The following MARCHF8 variants were observed in gnomAD, a reference collection of about 807,000 sequenced individuals.
The protein encoded by MARCHF8 is E3 ubiquitin-protein ligase MARCHF8.
A neutral mutation model predicts 51.6 loss-of-function variants in MARCHF8; 40 were observed. That is an observed-to-expected ratio of 0.77 (90% CI 0.60 to 1.01). The LOEUF is 1.01. MARCHF8 is among the 50% of genes least tolerant of loss of function. The pLI is 0.00. For missense variants in MARCHF8, 685 were observed against 708.6 expected, an observed-to-expected ratio of 0.97 and a Z score of 0.38; for synonymous variants, 263 against 280.3, an observed-to-expected ratio of 0.94 and a Z score of 0.62.
chr10:45,531,731 T>C (rs1393896984), intron 2 of MARCHF8, among the ~76,000 whole-genome samples: 1 of 152,194 alleles, frequency 6.6e-6, no homozygotes, highest in African/African-American at 2.4e-5. Flanking sequence ...GTTAACAGAT[T>C]AGACTAAGCA....
rs1842567549 is a variant in MARCHF8 at position 45,455,338 on chromosome 10, C to G, written c.*2901G>C. The G allele has an allele frequency of 6.6e-6, 1 of 152,268 alleles. No homozygotes were observed. The highest frequency in any genetic ancestry group is 2.4e-5 in the African/African-American group (1 of 41,456). 9.4% of individuals were successfully genotyped at this position (152,268 alleles called of 1,614,324 possible). ...AAACTTGGGCACAAAGACCAAATTG[C>G]TGAGGCCAGAAGCCTGCTTATGGTA... On this transcript the variant is annotated 3_prime_UTR_variant, in exon 8 of 8. Coordinates refer to ENST00000453424, the MANE Select transcript of MARCHF8 (RefSeq NM_001282866.2).
At chr10:45,476,381 T>C (rs939602886) in intron 3 of MARCHF8, among the ~76,000 whole-genome samples, 9 of 152,184 alleles carry the variant, frequency 5.9e-5, no homozygotes, top group Admixed American at 2.6e-4. Context: ...CTGAGCAACA[T>C]AGTGAGACCT....
At chr10:45,566,505 T>C (rs2044366207) in intron 1 of MARCHF8, among the ~76,000 whole-genome samples, 1 of 152,172 alleles carries the variant, frequency 6.6e-6, no homozygotes, top group South Asian at 2.1e-4. Context: ...ATCCCACAAA[T>C]AAGTGAGAAC....
intron 1 of MARCHF8, among the ~76,000 whole-genome samples, chr10:45,542,751 A>T (rs2044070332): frequency 6.6e-6 from 1 of 152,210 alleles, no homozygotes; most frequent in Non-Finnish European, 1.5e-5. Flanking sequence ...GAAGAATTCA[A>T]TGGAGAGAAA....
At chr10:45,551,147 T>TA (rs2044189711) in intron 1 of MARCHF8, among the ~76,000 whole-genome samples, 1 of 152,208 alleles carries the variant, frequency 6.6e-6, no homozygotes, top group African/African-American at 2.4e-5. Context: ...CTCTCCTAGA[T>TA]ATACAATGAG....
At chr10:45,471,523 C>G (rs1308534142) in intron 3 of MARCHF8, among the ~76,000 whole-genome samples, 8 of 152,220 alleles carry the variant, frequency 5.3e-5, no homozygotes, top group Non-Finnish European at 8.8e-5. Context: ...AGTTACTTAT[C>G]ACTCACAAGG....
intron 1 of MARCHF8, among the ~76,000 whole-genome samples, chr10:45,588,069 C>T (rs2044636631): frequency 6.6e-6 from 1 of 151,804 alleles, no homozygotes; most frequent in Non-Finnish European, 1.5e-5. Context: ...TATAAAACCT[C>T]TAGAACATAG....
intron 3 of MARCHF8, among the ~76,000 whole-genome samples, chr10:45,468,841 G>C (rs1297733740): frequency 2.0e-5 from 3 of 152,198 alleles, no homozygotes; most frequent in Non-Finnish European, 4.4e-5. Context: ...TGTGTTGGCG[G>C]AAGTGTTGGG....
rs949130412 is a variant in MARCHF8 at position 45,456,215 on chromosome 10, C to G, written c.*2024G>C. Reference sequence around the variant, plus strand: ...GATTCAGCTCCCCTGAGTGGACAGTCTGTGGTTGCCTGGGGTCCCCAGGCT... The same window carrying G: ...GATTCAGCTCCCCTGAGTGGACAGTGTGTGGTTGCCTGGGGTCCCCAGGCT... On this transcript the variant is annotated 3_prime_UTR_variant, in exon 8 of 8. Coordinates refer to ENST00000453424, the MANE Select transcript of MARCHF8 (RefSeq NM_001282866.2). The G allele has an allele frequency of 2.0e-5, 3 of 152,378 alleles. 1 individual carries two copies. The highest frequency in any genetic ancestry group is 7.2e-5 in the African/African-American group (3 of 41,462). The allele number at this position is 152,378 out of a possible 1,614,324, so 9.4% of individuals were successfully genotyped here. A position where few individuals can be genotyped will look rare whatever the true frequency, so the allele number is the denominator to read the frequency against.
At chr10:45,482,984 A>G (rs1589103958) in intron 3 of MARCHF8, among the ~76,000 whole-genome samples, 1 of 152,206 alleles carries the variant, frequency 6.6e-6, no homozygotes, top group Non-Finnish European at 1.5e-5. Flanking sequence ...GCATACAAAA[A>G]TCAACTCAAG....
At chr10:45,481,910 T>A (rs1203940820) in intron 3 of MARCHF8, among the ~76,000 whole-genome samples, 4 of 152,196 alleles carry the variant, frequency 2.6e-5, no homozygotes, top group Non-Finnish European at 5.9e-5. Flanking sequence ...TATGATTTTA[T>A]ACCTAGAAAA....
At chr10:45,591,790 T>C (rs1175977507) in intron 1 of MARCHF8, among the ~76,000 whole-genome samples, 1 of 149,406 alleles carries the variant, frequency 6.7e-6, no homozygotes, top group East Asian at 1.9e-4. Context: ...TCCAGCAAAG[T>C]GTATGCTTTG....
chr10:45,559,402 C>T (rs2044285788), intron 1 of MARCHF8, among the ~76,000 whole-genome samples: 1 of 152,196 alleles, frequency 6.6e-6, no homozygotes, highest in Admixed American at 6.5e-5. Context: ...CACTCTGTTG[C>T]CCAGGCTGGA....
At chr10:45,558,600 T>C (rs974449554) in intron 1 of MARCHF8, among the ~76,000 whole-genome samples, 1 of 152,204 alleles carries the variant, frequency 6.6e-6, no homozygotes, top group Non-Finnish European at 1.5e-5. Context: ...AGTTGACCTA[T>C]CAACCAAACG....
At chr10:45,458,584 T>A in intron 7 of MARCHF8, 41 bp from the exon 8 acceptor site, 1 of 1,523,418 alleles carries the variant, frequency 6.6e-7, no homozygotes, top group Non-Finnish European at 8.8e-7. Context: ...TTATTTAAGA[T>A]ATGAAGTAAA....
chr10:45,534,842 G>A (rs1372916288), intron 1 of MARCHF8, among the ~76,000 whole-genome samples: 1 of 152,116 alleles, frequency 6.6e-6, no homozygotes, highest in African/African-American at 2.4e-5. Context: ...TAAGGCTGGT[G>A]CCAATTCTTA....
At chr10:45,561,549 C>T (rs2044310395) in intron 1 of MARCHF8, among the ~76,000 whole-genome samples, 1 of 151,440 alleles carries the variant, frequency 6.6e-6, no homozygotes, top group African/African-American at 2.4e-5. Flanking sequence ...GCTGGCATTA[C>T]AGGCGTGAGC....
At chr10:45,552,543 T>C (rs2044207565) in intron 1 of MARCHF8, among the ~76,000 whole-genome samples, 1 of 151,644 alleles carries the variant, frequency 6.6e-6, no homozygotes. Flanking sequence ...TTTAGTTTAT[T>C]TTAAATCCCT....
chr10:45,570,662 G>A (rs894828642), intron 1 of MARCHF8, among the ~76,000 whole-genome samples: 8 of 152,120 alleles, frequency 5.3e-5, no homozygotes, highest in Non-Finnish European at 1.0e-4. Flanking sequence ...TATTTGAAAC[G>A]AAGTTATAAA....
Sources: gnomAD v4.1 joint callset for allele counts (sites outside exome capture counted in the v4.1 genomes callset) on GRCh38, gnomAD v4.1.1 for gene constraint, MANE v1.5 for transcripts, NCBI Gene and HGNC (gene_info 2026-07-23, HGNC 2026-07-21) for gene names.